ROBO1: variants seen among roughly 807,000 people sequenced by gnomAD.
ROBO1 encodes the protein roundabout guidance receptor 1, also known as roundabout homolog 1.
In ROBO1, 149 loss-of-function variants were observed where a neutral mutation model predicts 195.9. That is an observed-to-expected ratio of 0.76 (90% CI 0.67 to 0.87). The LOEUF (loss-of-function observed/expected upper bound fraction) is 0.87, where lower values mean the gene tolerates loss of function less well. ROBO1 is among the 40% of genes least tolerant of loss of function. The probability of loss-of-function intolerance (pLI) is 0.00; values close to 1 mark genes in which losing one functional copy is unlikely to be tolerated. For synonymous variants in ROBO1, 816 were observed against 733.2 expected, an observed-to-expected ratio of 1.11 and a Z score of -1.82; for missense variants, 1,933 against 2,068.3, an observed-to-expected ratio of 0.93 and a Z score of 1.27.
At position 78,717,315 on chromosome 3, in the gene ROBO1, C is replaced by A. The variant is rs748500060; in HGVS notation, c.877G>T (p.Val293Leu). The A allele has an allele frequency of 6.2e-7, 1 of 1,604,888 alleles. No homozygotes were observed. Among genetic ancestry groups the A allele is most frequent in the South Asian group, 1.1e-5 (1 of 89,326 alleles). ...TCTCCATCATCTTTCCTCCATCGTACTGTAGGTACAGGGTCACCTCGGGCC... is the reference window on the plus strand; with the variant it reads ...TCTCCATCATCTTTCCTCCATCGTAATGTAGGTACAGGGTCACCTCGGGCC... ...CEARGDPVPT[V>L]RWRKDDGELP... Residue 293 changes from valine to leucine, a missense_variant, in exon 7 of 31, where the codon GTA becomes TTA. Transcript: ENST00000464233.
At chr3:78,775,512 T>C (rs1052625668) in intron 4 of ROBO1, among the ~76,000 whole-genome samples, 1 of 152,214 alleles carries the variant, frequency 6.6e-6, no homozygotes, top group African/African-American at 2.4e-5. Flanking sequence ...GACTTTGCAA[T>C]AACAATTCAC....
In ROBO1 at chr3:78,896,563, T is replaced by C. The variant is rs144630782; in HGVS notation, c.499+42038A>G. ...TAACTCCACCGACTATCCCCAAACC[T>C]ATAAGAACTAACGATAATCCCACTA... On this transcript the variant is annotated intron_variant, in intron 4 of 30. Transcript: ENST00000464233. 6.5e-3 allele frequency among the ~76,000 whole-genome samples: 934 copies of C among 144,522 alleles called. 7 individuals are homozygous for C. The highest frequency in any genetic ancestry group is 0.023 in the African/African-American group (888 of 38,634). The allele number at this position is 144,522 out of a possible 152,430, so 94.8% of individuals were successfully genotyped here.
Position 78,647,433 on chromosome 3 carries a change from G to A in ROBO1, c.2839+196C>T, listed in dbSNP as rs72904798. Among the ~76,000 whole-genome samples the A allele has an allele frequency of 0.034, 5,153 of 152,036 alleles. 292 individuals carry two copies. Among genetic ancestry groups the A allele is most frequent in the African/African-American group, 0.12 (4,890 of 41,484 alleles). ...AGTGTGGAATTGTGAATAAATAATTGCATCGAATGGATGAAAAGCAACACC... is the reference window on the plus strand; with the variant it reads ...AGTGTGGAATTGTGAATAAATAATTACATCGAATGGATGAAAAGCAACACC... On this transcript the variant is annotated intron_variant, in intron 20 of 30. Coordinates refer to ENST00000464233, the MANE Select transcript of ROBO1 (RefSeq NM_002941.4).
At chr3:79,417,964 T>C (rs1363830012) in intron 2 of ROBO1, among the ~76,000 whole-genome samples, 1 of 152,086 alleles carries the variant, frequency 6.6e-6, no homozygotes, top group Admixed American at 6.6e-5. Context: ...AAAAACACCA[T>C]CACTATCTCA....
At chr3:78,673,528 A>AAT (rs1239511613) in intron 10 of ROBO1, among the ~76,000 whole-genome samples, 9 of 125,238 alleles carry the variant, frequency 7.2e-5, no homozygotes, top group South Asian at 2.5e-4. Flanking sequence ...AATATATATA[A>AAT]ATATATATAT....
At chr3:78,758,193 T>C (rs1678304380) in intron 4 of ROBO1, among the ~76,000 whole-genome samples, 1 of 152,156 alleles carries the variant, frequency 6.6e-6, no homozygotes, top group African/African-American at 2.4e-5. Context: ...TTAATGATGC[T>C]ATCTTTTCCA....
intron 29 of ROBO1, among the ~76,000 whole-genome samples, chr3:78,602,352 C>T (rs894796198): frequency 6.6e-6 from 1 of 152,114 alleles, no homozygotes; most frequent in Non-Finnish European, 1.5e-5. Context: ...TCACCTTCCG[C>T]CATGATTCTA....
chr3:78,941,399 A>G (rs553772257), intron 3 of ROBO1, among the ~76,000 whole-genome samples: 1 of 152,338 alleles, frequency 6.6e-6, no homozygotes, highest in South Asian at 2.1e-4. Context: ...ACTTCAGAAG[A>G]TTAAGTATTG....
intron 3 of ROBO1, among the ~76,000 whole-genome samples, chr3:78,978,328 C>T (rs923253162): frequency 6.6e-6 from 1 of 152,078 alleles, no homozygotes; most frequent in Non-Finnish European, 1.5e-5. Context: ...CCCTGTCCTC[C>T]TTGGACCAAG....
rs2039951585 is a variant in ROBO1 at position 78,938,634 on chromosome 3, C to A, written c.466G>T (p.Ala156Ser). The A allele has an allele frequency of 2.5e-6, 4 of 1,612,720 alleles. No homozygotes were observed. In the African/African-American group the frequency reaches 5.3e-5, roughly 22 times the overall value. ...VCVARNYLGE[A>S]VSHNASLEVA... Reference sequence around the variant, plus strand: ...TCCAGCGATGCATTGTGGCTCACAGCCTCTCCAAGGTAATTCCTTGCTACA... The same window carrying A: ...TCCAGCGATGCATTGTGGCTCACAGACTCTCCAAGGTAATTCCTTGCTACA... Residue 156 changes from alanine (A) to serine (S), a missense_variant, in exon 4 of 31, where the codon GCT (alanine) becomes TCT (serine). This residue lies in a region of ROBO1 where 1,737 missense variants were observed against 1,882.5 expected (regional missense o/e 0.92). Coordinates refer to ENST00000464233, the MANE Select transcript of ROBO1 (RefSeq NM_002941.4).
chr3:79,216,063 C>T (rs2082050552), intron 2 of ROBO1, among the ~76,000 whole-genome samples: 1 of 152,016 alleles, frequency 6.6e-6, no homozygotes, highest in South Asian at 2.1e-4. Flanking sequence ...AGGCAAAGAC[C>T]TCATCACAAA....
chr3:79,461,229 G>A (rs1937625039), intron 2 of ROBO1, among the ~76,000 whole-genome samples: 1 of 152,062 alleles, frequency 6.6e-6, no homozygotes, highest in African/African-American at 2.4e-5. Context: ...TCTAAGAGAA[G>A]AAGGGGTCTA....
At chr3:78,695,883 G>T (rs149800432) in intron 8 of ROBO1, among the ~76,000 whole-genome samples, 190 of 151,912 alleles carry the variant, frequency 1.3e-3, no homozygotes, top group African/African-American at 4.2e-3. Flanking sequence ...TAAACAAATA[G>T]AAGTCATTAA....
chr3:79,208,433 T>C (rs2081910896), intron 2 of ROBO1, among the ~76,000 whole-genome samples: 1 of 152,118 alleles, frequency 6.6e-6, no homozygotes, highest in South Asian at 2.1e-4. Flanking sequence ...GATAAACAAA[T>C]AGGTATTTAA....
intron 3 of ROBO1, among the ~76,000 whole-genome samples, chr3:79,065,997 T>C (rs1261469083): frequency 6.6e-6 from 1 of 151,938 alleles, no homozygotes; most frequent in Non-Finnish European, 1.5e-5. Flanking sequence ...AGACATTATG[T>C]GCCTTCTGTT....
chr3:79,254,434 G>A (rs779624604), intron 2 of ROBO1, among the ~76,000 whole-genome samples: 189 of 151,200 alleles, frequency 1.3e-3, no homozygotes, highest in Non-Finnish European at 1.6e-3. Context: ...TCTCTTTTCC[G>A]CTAGAGAAAG....
intron 28 of ROBO1, among the ~76,000 whole-genome samples, chr3:78,611,768 G>T (rs566970101): frequency 6.6e-6 from 1 of 152,278 alleles, no homozygotes; most frequent in South Asian, 2.1e-4. Flanking sequence ...GTTAAAATGA[G>T]GTCACCGGGG....
intron 4 of ROBO1, among the ~76,000 whole-genome samples, chr3:78,769,672 T>C (rs1468081596): frequency 6.7e-6 from 1 of 149,770 alleles, no homozygotes; most frequent in Non-Finnish European, 1.5e-5. Flanking sequence ...CTATAGTTCC[T>C]GTGTGATTTA....
At chr3:78,920,340 T>C (rs2038864164) in intron 4 of ROBO1, among the ~76,000 whole-genome samples, 1 of 152,132 alleles carries the variant, frequency 6.6e-6, no homozygotes, top group Non-Finnish European at 1.5e-5. Flanking sequence ...AGTCTTGCTC[T>C]GTTGCCCAGG....
Sources: gnomAD v4.1 joint callset for allele counts (sites outside exome capture counted in the v4.1 genomes callset) on GRCh38, gnomAD v4.1.1 for gene constraint, gnomAD v4.1.1 regional missense constraint, MANE v1.5 for transcripts, NCBI Gene and HGNC (gene_info 2026-07-23, HGNC 2026-07-21) for gene names.